The following OXNAD1 variants were observed in gnomAD, a reference collection of about 807,000 sequenced individuals.
OXNAD1 encodes oxidoreductase NAD binding domain containing 1.
A neutral mutation model predicts 32.9 loss-of-function variants in OXNAD1; 34 were observed. The observed-to-expected ratio is 1.03, with a 90% CI of 0.79 to 1.38. The LOEUF is 1.38. Among genes scored for constraint, OXNAD1 ranks in the 40% most tolerant of loss-of-function variants. OXNAD1 has a pLI of 0.00. For synonymous variants in OXNAD1, 134 were observed against 135.2 expected (o/e 0.99, Z 0.06); for missense variants, 407 against 379.4 (o/e 1.07, Z -0.60).
intron 9 of OXNAD1, among the ~76,000 whole-genome samples, chr3:16,330,954 G>A (rs976178646): frequency 2.1e-4 from 32 of 152,212 alleles, no homozygotes; most frequent in African/African-American, 7.2e-4. Context: ...TTTCTCCTGT[G>A]TTTCATCCTG....
chr3:16,272,433 G>A, intron 4 of OXNAD1: 3 of 102,116 alleles, frequency 2.9e-5, no homozygotes, highest in Non-Finnish European at 3.6e-5. Flanking sequence ...GTATATGTAA[G>A]CTAACAATAA....
Position 16,289,671 on chromosome 3 carries a change from A to G in OXNAD1, c.290+3223A>G, listed in dbSNP as rs986308238. ...AGGACTGCACATAACATAGCACTGT[A>G]TTCCTTGGCATCTTTTTCAAACTGT... On this transcript the variant is annotated intron_variant, in intron 5 of 8. Coordinates refer to ENST00000285083, the MANE Select transcript of OXNAD1 (RefSeq NM_138381.5). This position sits in a 1 kb window ranked among gnomAD's most constrained non-coding sequence, Gnocchi z 4.9. 6.6e-6 allele frequency among the ~76,000 whole-genome samples: 1 copy of G among 152,160 alleles called. No homozygotes were observed. The highest frequency in any genetic ancestry group is 1.5e-5 in the Non-Finnish European group (1 of 68,018).
intron 9 of OXNAD1, among the ~76,000 whole-genome samples, chr3:16,333,310 A>T (rs533682689): frequency 6.6e-6 from 1 of 152,360 alleles, no homozygotes; most frequent in East Asian, 1.9e-4. Context: ...GTTTGACCTT[A>T]GCTAGAAAAG....
downstream of OXNAD1, among the ~76,000 whole-genome samples, chr3:16,350,862 A>G (rs9816331): frequency 0.018 from 2,742 of 152,328 alleles, 79 homozygotes; most frequent in African/African-American, 0.063. Context: ...CTGTGGCAAT[A>G]GAAGAAAAAA....
In OXNAD1 at chr3:16,314,333, GC is replaced by G. The variant is rs1277391708; in HGVS notation, c.*30+10743del. The G allele has an allele frequency of 1.3e-5, 2 of 152,066 alleles. No homozygotes were observed. The highest frequency in any genetic ancestry group is 2.9e-5 in the Non-Finnish European group (2 of 68,006). 9.4% of individuals were successfully genotyped at this position (152,066 alleles called of 1,614,324 possible). A position where few individuals can be genotyped will look rare whatever the true frequency, so the allele number is the denominator to read the frequency against. On this transcript the variant is annotated intron_variant, in intron 9 of 9. Transcript: ENST00000435829. The surrounding 1 kb of genome is among the most constrained non-coding windows in gnomAD (Gnocchi z 4.4). The stretch of plus-strand genomic sequence containing the variant: ...CAGGATGTTGAGAATGGATTTTAGG[GC>G]CTTTATTATTTACCACTTGTAGAAA...
At chr3:16,337,585 T>C (rs1032560114), downstream of OXNAD1, among the ~76,000 whole-genome samples, 39 of 151,568 alleles carry the variant, frequency 2.6e-4, no homozygotes, top group African/African-American at 8.5e-4. The surrounding 1 kb of genome is among the most constrained non-coding windows in gnomAD (Gnocchi z 5.0). Context: ...CTACTAAAAA[T>C]ACAAAAATTA....
At position 16,271,194 on chromosome 3, in the gene OXNAD1, G is replaced by C. The variant is rs561947284; in HGVS notation, c.119+123G>C. ...ACACCTTAGCTTCAATGTGCATGCT[G>C]TCAGGTTGTTAACCGTTTTTTTTGT... On this transcript the variant is annotated intron_variant, in intron 3 of 8. Coordinates refer to ENST00000285083, the MANE Select transcript of OXNAD1 (RefSeq NM_138381.5). This position sits in a 1 kb window ranked among gnomAD's most constrained non-coding sequence, Gnocchi z 4.6. 2 of 1,189,138 alleles carry C rather than the reference G, an allele frequency of 1.7e-6. No individual in the cohort carries two copies. The highest frequency in any genetic ancestry group is 2.9e-5 in the South Asian group (2 of 68,170). The allele number at this position is 1,189,138 out of a possible 1,614,324, so 73.7% of individuals were successfully genotyped here.
rs2067435969 is a variant in OXNAD1, at chr3:16,304,885, T to C, written c.*1323T>C. ...GATTCATGGGACCTGAAGGTGACTC[T>C]AGCTTCTGCCCAGTTTTGAGTTTTG... On this transcript the variant is annotated 3_prime_UTR_variant, in exon 9 of 9. Transcript: ENST00000285083. This position sits in a 1 kb window ranked among gnomAD's most constrained non-coding sequence, Gnocchi z 4.6. 6.6e-6 allele frequency: 1 copy of C among 152,266 alleles called. No homozygotes were observed. The highest frequency in any genetic ancestry group is 2.1e-4 in the South Asian group (1 of 4,830). The allele number at this position is 152,266 out of a possible 1,614,324, so 9.4% of individuals were successfully genotyped here.
intron 9 of OXNAD1, chr3:16,326,653 C>T (rs1210404957): frequency 2.7e-6 from 2 of 731,728 alleles, no homozygotes; most frequent in African/African-American, 1.8e-5. Flanking sequence ...GGAGAGTTTA[C>T]ATAACTACCA....
At position 16,316,478 on chromosome 3, in the gene OXNAD1, C is replaced by T. The variant is rs150410164; in HGVS notation, c.*30+12886C>T. ...GCCCAGGGTGTCCATGGATTTGACC[C>T]GAATGCTCCCTGGAGGCCCTGTGGC... On this transcript the variant is annotated intron_variant, in intron 9 of 9. Transcript: ENST00000435829. The surrounding 1 kb of genome is among the most constrained non-coding windows in gnomAD (Gnocchi z 4.5). The T allele has an allele frequency of 1.4e-3, 441 of 321,984 alleles. 11 individuals carry two copies. In the East Asian group the frequency reaches 0.031, roughly 23 times the overall value. 19.9% of individuals were successfully genotyped at this position (321,984 alleles called of 1,614,324 possible). A position where few individuals can be genotyped will look rare whatever the true frequency, so the allele number is the denominator to read the frequency against.
At chr3:16,307,223 TTTGA>T (rs1211151547), downstream of OXNAD1, among the ~76,000 whole-genome samples, 1 of 152,222 alleles carries the variant, frequency 6.6e-6, no homozygotes, top group African/African-American at 2.4e-5. Flanking sequence ...TTTTTATACA[TTTGA>T]TTGTTTTCAT....
chr3:16,274,751 T>C (rs80066931), intron 4 of OXNAD1, among the ~76,000 whole-genome samples: 1,711 of 152,336 alleles, frequency 0.011, 79 homozygotes, highest in East Asian at 0.1. Flanking sequence ...GAACCTGACG[T>C]CTGTTTCAGG....
rs1254237973 is a variant in OXNAD1, at chr3:16,322,997, C to G, written c.*31-14115C>G. On this transcript the variant is annotated intron_variant, in intron 9 of 9. Coordinates refer to the OXNAD1 transcript ENST00000435829. This position sits in a 1 kb window ranked among gnomAD's most constrained non-coding sequence, Gnocchi z 6.2. ...CAGGGCAGGCCAGAGCTCCAACTAG[C>G]TGATAATGAGATTAAGACACAAAGA... Among the ~76,000 whole-genome samples, 1 of 152,168 alleles carries G rather than the reference C, an allele frequency of 6.6e-6. No homozygotes were observed. The highest frequency in any genetic ancestry group is 1.9e-4 in the East Asian group (1 of 5,192).
chr3:16,286,742 A>G (rs1210312393), intron 5 of OXNAD1, among the ~76,000 whole-genome samples: 1 of 152,216 alleles, frequency 6.6e-6, no homozygotes, highest in Non-Finnish European at 1.5e-5. Flanking sequence ...CAGCTCTGAT[A>G]ATTAGACTCT....
intron 9 of OXNAD1, among the ~76,000 whole-genome samples, chr3:16,332,300 T>C (rs1216243141): frequency 6.6e-6 from 1 of 152,078 alleles, no homozygotes; most frequent in African/African-American, 2.4e-5. Context: ...TTCTTACTCT[T>C]TTAATTTTGC....
chr3:16,315,990 C>G (rs1575203766), intron 9 of OXNAD1: 1 of 152,188 alleles, frequency 6.6e-6, no homozygotes, highest in Non-Finnish European at 1.5e-5. Flanking sequence ...ACTTTCTGGA[C>G]GATATACACA....
Position 16,294,929 on chromosome 3 carries a change from CAAGA to C in OXNAD1, c.365_368del (p.Gln122ArgfsTer3). Reference sequence around the variant, plus strand: ...ATGCTCCAGTCCCAGACTGCTAGAACAAGAGAGAGTGATAGAATTGGCAGTGAAA... The same window carrying C: ...ATGCTCCAGTCCCAGACTGCTAGAACGAGAGTGATAGAATTGGCAGTGAAA... On this transcript the variant is annotated frameshift_variant, in exon 6 of 9. Coordinates refer to ENST00000285083, the MANE Select transcript of OXNAD1 (RefSeq NM_138381.5). LOFTEE classifies it high-confidence loss of function. 6.2e-7 allele frequency: 1 copy of C among 1,613,598 alleles called. No homozygotes were observed. Among genetic ancestry groups the C allele is most frequent in the Non-Finnish European group, 8.5e-7 (1 of 1,179,706 alleles).
chr3:16,350,188 T>C (rs73142400), exon 10 of OXNAD1: 1 of 152,360 alleles, frequency 6.6e-6, no homozygotes, highest in African/African-American at 2.4e-5. Flanking sequence ...ATTCCTTCCA[T>C]GTCAGCTTAT....
chr3:16,293,621 G>A (rs910804270), intron 5 of OXNAD1, among the ~76,000 whole-genome samples: 1 of 151,176 alleles, frequency 6.6e-6, no homozygotes, highest in South Asian at 2.1e-4. Context: ...CCATTAAGTA[G>A]GATGTTAGTT....
Sources: gnomAD v4.1 joint callset for allele counts (sites outside exome capture counted in the v4.1 genomes callset) on GRCh38, gnomAD v4.1.1 for gene constraint, Gnocchi (gnomAD v3.1) non-coding constraint, MANE v1.5 for transcripts, NCBI Gene and HGNC (gene_info 2026-07-23, HGNC 2026-07-21) for gene names.